The following ZFYVE9 variants were observed in gnomAD, a reference collection of about 807,000 sequenced individuals.
The protein encoded by ZFYVE9 is zinc finger FYVE-type containing 9, also known as zinc finger FYVE domain-containing protein 9.
A neutral mutation model predicts 126.7 loss-of-function variants in ZFYVE9; 43 were observed. That is an observed-to-expected ratio of 0.34 (90% CI 0.27 to 0.44). The LOEUF is 0.44. Among genes scored for constraint, ZFYVE9 ranks in the 20% least tolerant of loss-of-function variants. ZFYVE9 has a pLI of 1.00. For missense variants in ZFYVE9, 1,476 were observed against 1,697.0 expected (o/e 0.87, Z 2.29); for synonymous variants, 521 against 597.4 (o/e 0.87, Z 1.87).
At chr1:52,275,360 G>A (rs925201957) in intron 8 of ZFYVE9, among the ~76,000 whole-genome samples, 35 of 152,156 alleles carry the variant, frequency 2.3e-4, no homozygotes, top group African/African-American at 7.0e-4. Context: ...TCAAGTACAT[G>A]TGTCTTTTTG....
intron 1 of ZFYVE9, among the ~76,000 whole-genome samples, chr1:52,204,139 A>G (rs1219762767): frequency 6.6e-6 from 1 of 151,248 alleles, no homozygotes; most frequent in Admixed American, 6.6e-5. Context: ...TGGACATGAT[A>G]TATTGAGTAA....
rs574593980 is a variant in ZFYVE9, at chr1:52,239,199, A to G, written c.1782A>G (p.Pro594=). ...ATCTTAAACTTCAAATTCCAAAGCC[A>G]TTATCAGACCATTTACAAAATGACT... The part of the protein sequence containing the change: ...PSNLKLQIPK[P]LSDHLQNDFP... The change falls in exon 4 of 19, where the codon CCA becomes CCG. Residue 594 remains proline, a synonymous_variant. Transcript: ENST00000287727. 3.1e-6 allele frequency: 5 copies of G among 1,614,036 alleles called. No individual in the cohort carries two copies. Among genetic ancestry groups the G allele is most frequent in the African/African-American group, 1.3e-5 (1 of 74,938 alleles).
At chr1:52,191,104 A>G (rs958924813) in intron 1 of ZFYVE9, among the ~76,000 whole-genome samples, 2 of 151,876 alleles carry the variant, frequency 1.3e-5, no homozygotes, top group South Asian at 2.1e-4. Flanking sequence ...ATGCCTGGCT[A>G]ATTTTTGTAT....
chr1:52,271,700 T>G (rs1333125993), intron 7 of ZFYVE9, among the ~76,000 whole-genome samples: 4 of 152,226 alleles, frequency 2.6e-5, no homozygotes, highest in African/African-American at 9.6e-5. Flanking sequence ...AATGGTAGTT[T>G]GCCAGTAAAA....
In ZFYVE9 at chr1:52,182,350, T is replaced by C. The variant is rs569545555; in HGVS notation, c.-142-34019T>C. Among the ~76,000 whole-genome samples, 30 of 152,140 alleles carry C rather than the reference T, an allele frequency of 2.0e-4. No homozygotes were observed. The East Asian group carries it at 2.5e-3, about 13-fold the overall frequency. On this transcript the variant is annotated intron_variant, in intron 1 of 18. Coordinates refer to ENST00000287727, the MANE Select transcript of ZFYVE9 (RefSeq NM_004799.4). Reference sequence around the variant, plus strand: ...AAAGATTGAGAAATCAGATGGTTGCTGTGTCTGTGTAGAAAGAAGTAGACA... The same window carrying C: ...AAAGATTGAGAAATCAGATGGTTGCCGTGTCTGTGTAGAAAGAAGTAGACA...
At chr1:52,194,949 CTGAT>C (rs141122992) in intron 1 of ZFYVE9, among the ~76,000 whole-genome samples, 2,836 of 152,086 alleles carry the variant, frequency 0.019, 83 homozygotes, top group African/African-American at 0.064. Flanking sequence ...CTGTGTAGTG[CTGAT>C]TGATTATAAT....
chr1:52,178,908 A>G (rs1418414986), intron 1 of ZFYVE9, among the ~76,000 whole-genome samples: 1 of 151,772 alleles, frequency 6.6e-6, no homozygotes, highest in Non-Finnish European at 1.5e-5. Flanking sequence ...TGGCCCAAAC[A>G]ATCTTCCTAC....
chr1:52,240,928 G>A (rs989678649), intron 4 of ZFYVE9, among the ~76,000 whole-genome samples: 1 of 152,116 alleles, frequency 6.6e-6, no homozygotes, highest in Non-Finnish European at 1.5e-5. Context: ...AAAAAAGTGG[G>A]ATTCTGTTAA....
At chr1:52,247,876 T>C (rs1272600578) in intron 4 of ZFYVE9, among the ~76,000 whole-genome samples, 1 of 152,148 alleles carries the variant, frequency 6.6e-6, no homozygotes, top group Middle Eastern at 3.2e-3. Flanking sequence ...ACCATCTGTT[T>C]GTATGAATTT....
chr1:52,338,813 A>G (rs1468249131), intron 16 of ZFYVE9, among the ~76,000 whole-genome samples: 1 of 152,080 alleles, frequency 6.6e-6, no homozygotes, highest in African/African-American at 2.4e-5. Context: ...GGAGTTCAAG[A>G]CCAGCCTGAC....
chr1:52,245,756 A>G (rs1422734511), intron 4 of ZFYVE9, among the ~76,000 whole-genome samples: 1 of 152,172 alleles, frequency 6.6e-6, no homozygotes, highest in Non-Finnish European at 1.5e-5. Context: ...ATCCCTAATT[A>G]ACATTGAAGA....
At chr1:52,202,428 C>G (rs1209897219) in intron 1 of ZFYVE9, among the ~76,000 whole-genome samples, 3 of 151,732 alleles carry the variant, frequency 2.0e-5, no homozygotes, top group Non-Finnish European at 2.9e-5. Context: ...TACAGGCTTG[C>G]GCCACTACCG....
At position 52,265,524 on chromosome 1, in the gene ZFYVE9, A is replaced by G. The variant is rs150761344; in HGVS notation, c.2279-1131A>G. Among the ~76,000 whole-genome samples the G allele has an allele frequency of 2.6e-5, 4 of 152,274 alleles. No homozygotes were observed. The East Asian group carries it at 7.7e-4, about 29-fold the overall frequency. On this transcript the variant is annotated intron_variant, in intron 5 of 18. Transcript: ENST00000287727. ...TCATTTCTGTAGCACCTTTCATCCT[A>G]TTTGCTTTAAAGGCGATAGGTGATG...
chr1:52,203,960 C>T (rs140276890), intron 1 of ZFYVE9, among the ~76,000 whole-genome samples: 6 of 152,240 alleles, frequency 3.9e-5, no homozygotes, highest in Admixed American at 2.0e-4. Flanking sequence ...TGTTCTTGCA[C>T]GCTGTCTACC....
intron 13 of ZFYVE9, among the ~76,000 whole-genome samples, chr1:52,308,448 A>G (rs1646106963): frequency 3.3e-5 from 5 of 152,150 alleles, no homozygotes. Flanking sequence ...TGGCTTCCCT[A>G]AGTGCTGGAA....
chr1:52,251,612 G>A (rs1209593879), intron 4 of ZFYVE9, among the ~76,000 whole-genome samples: 1 of 112,592 alleles, frequency 8.9e-6, no homozygotes, highest in Non-Finnish European at 1.7e-5. Flanking sequence ...TTATTTTCTT[G>A]AGTTTTGTAT....
At chr1:52,179,260 A>G (rs1644672288) in intron 1 of ZFYVE9, among the ~76,000 whole-genome samples, 1 of 152,230 alleles carries the variant, frequency 6.6e-6, no homozygotes, top group Non-Finnish European at 1.5e-5. Flanking sequence ...TAAAGCCACA[A>G]GGGTGAATGA....
Position 52,181,920 on chromosome 1 carries a change from C to T in ZFYVE9, c.-142-34449C>T, listed in dbSNP as rs533728181. The stretch of plus-strand genomic sequence containing the variant: ...CCGTCTGGGAAGTAAGGAGCGTCTC[C>T]GCCCGGCAGCCACCCCGTCGGGGAG... On this transcript the variant is annotated intron_variant, in intron 1 of 18. Transcript: ENST00000287727. Among the ~76,000 whole-genome samples, 120 of 150,908 alleles carry T rather than the reference C, an allele frequency of 8.0e-4. No homozygotes were observed. The Middle Eastern group carries it at 0.011, about 14-fold the overall frequency.
chr1:52,242,058 A>T (rs1380593844), intron 4 of ZFYVE9, among the ~76,000 whole-genome samples: 3 of 112,578 alleles, frequency 2.7e-5, no homozygotes, highest in Non-Finnish European at 5.3e-5. Flanking sequence ...TTTTTTTGAG[A>T]CAGAGTCTCT....
Sources: allele counts gnomAD v4.1 joint callset (sites outside exome capture counted in the v4.1 genomes callset), GRCh38; gene constraint gnomAD v4.1.1; transcripts MANE v1.5; gene names NCBI Gene and HGNC (gene_info 2026-07-23, HGNC 2026-07-21).